Variants in SPOCK3 observed in about 807,000 individuals in gnomAD.
SPOCK3 encodes the protein testican-3.
In SPOCK3, 30 loss-of-function variants were observed where a neutral mutation model predicts 56.6. The observed-to-expected ratio is 0.53, with a 90% confidence interval of 0.40 to 0.72. The LOEUF (loss-of-function observed/expected upper bound fraction) is 0.72, where lower values mean the gene tolerates loss of function less well. Among genes scored for constraint, SPOCK3 ranks in the 30% least tolerant of loss-of-function variants. The probability of loss-of-function intolerance (pLI) is 0.00; values close to 1 mark genes in which losing one functional copy is unlikely to be tolerated. For missense variants in SPOCK3, 527 were observed against 530.0 expected (o/e 0.99, Z 0.06); for synonymous variants, 196 against 183.3 (o/e 1.07, Z -0.56).
intron 3 of SPOCK3, among the ~76,000 whole-genome samples, chr4:167,026,167 T>A (rs1173724648): frequency 6.6e-6 from 1 of 152,012 alleles, no homozygotes; most frequent in Non-Finnish European, 1.5e-5. Context: ...TGACTGTAAA[T>A]CAATTAATGT....
intron 6 of SPOCK3, among the ~76,000 whole-genome samples, chr4:166,816,473 A>T (rs1744396555): frequency 6.6e-6 from 1 of 152,046 alleles, no homozygotes; most frequent in Non-Finnish European, 1.5e-5. Context: ...CATTGCCATC[A>T]AGTAGCATTT....
chr4:166,969,329 G>A (rs975852381), intron 4 of SPOCK3, among the ~76,000 whole-genome samples: 5 of 152,020 alleles, frequency 3.3e-5, no homozygotes, highest in Admixed American at 3.3e-4. Context: ...GGCCAGTGAT[G>A]GAATGATACA....
At chr4:166,953,246 C>T (rs887201125) in intron 4 of SPOCK3, among the ~76,000 whole-genome samples, 7 of 151,912 alleles carry the variant, frequency 4.6e-5, no homozygotes, top group African/African-American at 1.7e-4. Flanking sequence ...AAGAAAAAAA[C>T]AAACAACCCC....
chr4:166,919,300 G>C (rs1738227261), intron 4 of SPOCK3, among the ~76,000 whole-genome samples: 1 of 152,156 alleles, frequency 6.6e-6, no homozygotes, highest in Non-Finnish European at 1.5e-5. Context: ...TCAGGATTTA[G>C]AGTTTAAAGA....
chr4:166,958,453 A>G (rs1211976164), intron 4 of SPOCK3, among the ~76,000 whole-genome samples: 1 of 152,136 alleles, frequency 6.6e-6, no homozygotes, highest in Non-Finnish European at 1.5e-5. Flanking sequence ...CTTTGCCACT[A>G]ATCTGGACTA....
intron 6 of SPOCK3, among the ~76,000 whole-genome samples, chr4:166,863,358 T>TTA (rs576845614): frequency 5.7e-4 from 86 of 151,992 alleles, no homozygotes; most frequent in African/African-American, 2.0e-3. Context: ...ACCAATGACA[T>TTA]TATAAAGAAA....
At chr4:166,836,168 TA>T (rs1746597050) in intron 6 of SPOCK3, among the ~76,000 whole-genome samples, 1 of 152,210 alleles carries the variant, frequency 6.6e-6, no homozygotes, top group South Asian at 2.1e-4. Flanking sequence ...GTCTAATAAA[TA>T]GATGAAGTGA....
At chr4:167,226,059 A>T (rs1263111843) in intron 2 of SPOCK3, among the ~76,000 whole-genome samples, 1 of 152,158 alleles carries the variant, frequency 6.6e-6, no homozygotes, top group African/African-American at 2.4e-5. Flanking sequence ...GTAAATTCTG[A>T]TTCTTGCCCA....
chr4:167,232,068 T>G (rs1000296222), intron 2 of SPOCK3, among the ~76,000 whole-genome samples: 3 of 152,122 alleles, frequency 2.0e-5, no homozygotes, highest in Admixed American at 2.0e-4. Flanking sequence ...GATATAGCAA[T>G]AAAATCTCCA....
intron 5 of SPOCK3, among the ~76,000 whole-genome samples, chr4:166,898,641 G>A (rs566802729): frequency 3.4e-4 from 52 of 152,238 alleles, no homozygotes; most frequent in Non-Finnish European, 6.9e-4. Context: ...ATTAGGTAGT[G>A]ATGTGCTATA....
intron 2 of SPOCK3, among the ~76,000 whole-genome samples, chr4:167,097,742 A>G (rs1759285992): frequency 6.6e-6 from 1 of 151,924 alleles, no homozygotes; most frequent in African/African-American, 2.4e-5. Flanking sequence ...AAAGACATGC[A>G]CACTCATGTC....
chr4:167,125,524 T>G (rs1762200515), intron 2 of SPOCK3, among the ~76,000 whole-genome samples: 1 of 151,360 alleles, frequency 6.6e-6, no homozygotes, highest in Admixed American at 6.6e-5. Flanking sequence ...CCATCCTGGC[T>G]AACACGGCGA....
intron 2 of SPOCK3, among the ~76,000 whole-genome samples, chr4:167,233,111 C>A (rs1244422405): frequency 6.6e-6 from 1 of 152,224 alleles, no homozygotes; most frequent in Non-Finnish European, 1.5e-5. Context: ...GGCCTCCTCA[C>A]TGGGACAACC....
chr4:167,132,202 A>C (rs999677006), intron 2 of SPOCK3, among the ~76,000 whole-genome samples: 1 of 152,222 alleles, frequency 6.6e-6, no homozygotes, highest in African/African-American at 2.4e-5. Flanking sequence ...GAATTCAACC[A>C]ATACAAACAC....
chr4:167,068,201 A>G (rs1227618785), intron 2 of SPOCK3, among the ~76,000 whole-genome samples: 1 of 151,762 alleles, frequency 6.6e-6, no homozygotes, highest in Non-Finnish European at 1.5e-5. Flanking sequence ...AATATCAAAG[A>G]AAGCAAACAG....
chr4:166,868,720 T>G (rs902533085), intron 6 of SPOCK3, among the ~76,000 whole-genome samples: 2 of 152,122 alleles, frequency 1.3e-5, no homozygotes, highest in African/African-American at 4.8e-5. Context: ...AAAGTCAAAC[T>G]ATATCAATAT....
At chr4:166,818,516 T>C (rs1489827969) in intron 6 of SPOCK3, among the ~76,000 whole-genome samples, 1 of 152,082 alleles carries the variant, frequency 6.6e-6, no homozygotes, top group Non-Finnish European at 1.5e-5. Context: ...TTTCGATTTA[T>C]GTAATTTTAT....
intron 4 of SPOCK3, among the ~76,000 whole-genome samples, chr4:166,983,977 G>T (rs937590340): frequency 6.6e-6 from 1 of 151,730 alleles, no homozygotes; most frequent in Admixed American, 6.6e-5. Context: ...CATGCATCAC[G>T]GAAATACTTG....
At chr4:167,205,799 C>T (rs560567611) in intron 2 of SPOCK3, among the ~76,000 whole-genome samples, 1 of 146,546 alleles carries the variant, frequency 6.8e-6, no homozygotes, top group African/African-American at 2.6e-5. Context: ...TTAGTAGAGA[C>T]GGGTTTTCAC....
Sources: gnomAD v4.1 joint callset for allele counts (sites outside exome capture counted in the v4.1 genomes callset) on GRCh38, gnomAD v4.1.1 for gene constraint, MANE v1.5 for transcripts, NCBI Gene and HGNC (gene_info 2026-07-23, HGNC 2026-07-21) for gene names.